Variants in MOCS2 observed in about 807,000 individuals in gnomAD.
The protein encoded by MOCS2 is molybdopterin synthase catalytic subunit.
In MOCS2, 13 loss-of-function variants were observed where a neutral mutation model predicts 21.9. The observed-to-expected ratio is 0.59, with a 90% CI of 0.39 to 0.94. The LOEUF is 0.94. MOCS2 is among the 40% of genes least tolerant of loss of function. The pLI is 0.00. For missense variants in MOCS2, 227 were observed against 218.3 expected (o/e 1.04, Z -0.25); for synonymous variants, 92 against 80.8 (o/e 1.14, Z -0.74).
Position 53,109,652 on chromosome 5 carries a change from G to A in MOCS2, c.-571C>T. 1 of 1,548,470 alleles carries A rather than the reference G, an allele frequency of 6.5e-7. No homozygotes were observed. The highest frequency in any genetic ancestry group is 8.7e-7 in the Non-Finnish European group (1 of 1,146,094). ...GCTGGGTATGTGGAGGGAAAGGGCGGGAGAGACACGTCGAGGAGGGCTCCG... is the reference window on the plus strand; with the variant it reads ...GCTGGGTATGTGGAGGGAAAGGGCGAGAGAGACACGTCGAGGAGGGCTCCG... On this transcript the variant is annotated 5_prime_UTR_variant, in exon 1 of 7. Transcript: ENST00000396954.
chr5:53,109,587 G>A lies in MOCS2; in HGVS notation c.-506C>T. ...GGGGCGCCCCCGAACCCAAGACGCC[G>A]GCCAGGTTGGGGGCTAGTGGGGAGG... On this transcript the variant is annotated 5_prime_UTR_variant, in exon 1 of 7. Transcript: ENST00000396954. The A allele has an allele frequency of 1.4e-6, 2 of 1,441,798 alleles. No homozygotes were observed. Among genetic ancestry groups the A allele is most frequent in the Non-Finnish European group, 1.8e-6 (2 of 1,092,692 alleles). The allele number at this position is 1,441,798 out of a possible 1,614,324, so 89.3% of individuals were successfully genotyped here.
At position 53,096,080 on chromosome 5, in the gene MOCS2, C is replaced by T. The variant is rs978317407; in HGVS notation, c.*2522G>A. 6.6e-6 allele frequency: 1 copy of T among 152,188 alleles called. No homozygotes were observed. The highest frequency in any genetic ancestry group is 6.5e-5 in the Admixed American group (1 of 15,284). 9.4% of individuals were successfully genotyped at this position (152,188 alleles called of 1,614,324 possible). On this transcript the variant is annotated 3_prime_UTR_variant, in exon 7 of 7. Coordinates refer to ENST00000396954, the MANE Select transcript of MOCS2 (RefSeq NM_004531.5). ...TAAGTAAGACTCAAGTTGCTAAGAG[C>T]AACTTTACTATAACTTTTACTATGG...
At chr5:53,105,146 T>G (rs74515163) in intron 3 of MOCS2, among the ~76,000 whole-genome samples, 2,177 of 152,192 alleles carry the variant, frequency 0.014, 21 homozygotes, top group Non-Finnish European at 0.022. Context: ...TTATTAGCTG[T>G]GAAATTTTTC....
chr5:53,103,962 A>G (rs1284063823), intron 3 of MOCS2, among the ~76,000 whole-genome samples: 1 of 152,220 alleles, frequency 6.6e-6, no homozygotes, highest in African/African-American at 2.4e-5. Flanking sequence ...AGAACTGGGC[A>G]GGCTGAGGCT....
At position 53,109,523 on chromosome 5, in the gene MOCS2, G is replaced by T; in HGVS notation, c.-442C>A. 1 of 1,206,902 alleles carries T rather than the reference G, an allele frequency of 8.3e-7. No individual in the cohort carries two copies. The highest frequency in any genetic ancestry group is 1.1e-6 in the Non-Finnish European group (1 of 917,036). 74.8% of individuals were successfully genotyped at this position (1,206,902 alleles called of 1,614,324 possible). ...CCCGACTTCTGCTGGGGCAGTCGCA[G>T]TAAAGCCCGGAGACAGGAAGGGCCC... is the stretch of plus-strand genomic sequence containing the variant. On this transcript the variant is annotated 5_prime_UTR_variant, in exon 1 of 7. The change creates a new upstream start codon in the 5' untranslated region. Transcript: ENST00000396954.
At chr5:53,100,304 C>A (rs529468355) in intron 6 of MOCS2, 107 bp downstream of exon 6, 9 of 1,259,854 alleles carry the variant, frequency 7.1e-6, no homozygotes, top group African/African-American at 1.5e-5. Context: ...ATAAAGAAAA[C>A]AAGATACTAC....
intron 2 of MOCS2, 44 bp from the exon 3 acceptor site, chr5:53,107,265 G>A (rs769525481): frequency 6.4e-7 from 1 of 1,564,866 alleles, no homozygotes; most frequent in Non-Finnish European, 8.7e-7. Context: ...CGCTATGATA[G>A]ACCTCAAATC....
intron 3 of MOCS2, among the ~76,000 whole-genome samples, chr5:53,102,566 A>C (rs976952555): frequency 1.6e-5 from 2 of 123,544 alleles, no homozygotes; most frequent in African/African-American, 6.4e-5. Context: ...TTGGCTGTAC[A>C]CTGTTGAACT....
rs747390142 is a variant in MOCS2 at position 53,098,619 on chromosome 5, A to C, written c.550T>G (p.Trp184Gly). ...STWKGNKECF[W>G]ASNS ...ATAAGTGATTAACTGTTGGATGCCC[A>C]AAAGCACTCTTTGTTTCCTTTCCAA... Residue 184 changes from tryptophan (W) to glycine (G), a missense_variant, in exon 7 of 7, where the codon TGG becomes GGG. Physicochemically the swap from Trp to Gly is radical, Grantham distance 184 (BLOSUM62 -2). Coordinates refer to ENST00000396954, the MANE Select transcript of MOCS2 (RefSeq NM_004531.5). 93 of 1,613,620 alleles carry C rather than the reference A, an allele frequency of 5.8e-5. No homozygotes were observed. The highest frequency in any genetic ancestry group is 7.3e-5 in the Non-Finnish European group (86 of 1,179,728).
At chr5:53,098,858 T>A (rs1740829133) in intron 6 of MOCS2, 191 bp from the exon 7 acceptor site, 1 of 602,358 alleles carries the variant, frequency 1.7e-6, no homozygotes, top group African/African-American at 1.9e-5. Flanking sequence ...TTAAACATTT[T>A]TTTTTCTTTC....
rs536952532 is a variant in MOCS2 at position 53,101,002 on chromosome 5, T to G, written c.377+357A>C. 52 of 342,842 alleles carry G rather than the reference T, an allele frequency of 1.5e-4. No homozygotes were observed. In the South Asian group the frequency reaches 1.9e-3, roughly 12 times the overall value. The allele number at this position is 342,842 out of a possible 1,614,324, so 21.2% of individuals were successfully genotyped here. A position where few individuals can be genotyped will look rare whatever the true frequency, so the allele number is the denominator to read the frequency against. Reference sequence around the variant, plus strand: ...GATAGATACAGTCTCAATTACTGGCTTCTTTTTAAAGCCAAGAACTCTTCT... The same window carrying G: ...GATAGATACAGTCTCAATTACTGGCGTCTTTTTAAAGCCAAGAACTCTTCT... On this transcript the variant is annotated intron_variant, in intron 5 of 6. Coordinates refer to ENST00000396954, the MANE Select transcript of MOCS2 (RefSeq NM_004531.5).
At chr5:53,108,745 G>C (rs1438557818) in intron 1 of MOCS2, 102 bp from the exon 2 acceptor site, 24 of 1,191,172 alleles carry the variant, frequency 2.0e-5, no homozygotes, top group Non-Finnish European at 2.7e-5. Flanking sequence ...TTTAATCAAA[G>C]ACAAATTTTA....
Position 53,095,834 on chromosome 5 carries a change from TTTTA to T in MOCS2, c.*2764_*2767del, listed in dbSNP as rs1167265692. The T allele has an allele frequency of 6.6e-6, 1 of 152,238 alleles. No homozygotes were observed. Among genetic ancestry groups the T allele is most frequent in the East Asian group, 1.9e-4 (1 of 5,200 alleles). The allele number at this position is 152,238 out of a possible 1,614,324, so 9.4% of individuals were successfully genotyped here. ...TACTTACTTTTTAAAAAGTACTTCTTTTTATTTATTCTACATCACTTGTTAAAAA... is the reference window on the plus strand; with the variant it reads ...TACTTACTTTTTAAAAAGTACTTCTTTTTATTCTACATCACTTGTTAAAAA... On this transcript the variant is annotated 3_prime_UTR_variant, in exon 7 of 7. Transcript: ENST00000396954.
chr5:53,106,469 G>A (rs1315134410), intron 3 of MOCS2, among the ~76,000 whole-genome samples: 5 of 152,080 alleles, frequency 3.3e-5, no homozygotes, highest in Non-Finnish European at 5.9e-5. Context: ...AATACCAAAC[G>A]TTCTCACTTA....
intron 2 of MOCS2, chr5:53,107,481 C>T (rs1348795999): frequency 6.7e-6 from 3 of 446,796 alleles, no homozygotes; most frequent in South Asian, 5.0e-5. Context: ...AAAAAATGCA[C>T]AAAAAACCCA....
At chr5:53,106,104 C>T (rs1741041476) in intron 3 of MOCS2, among the ~76,000 whole-genome samples, 1 of 148,566 alleles carries the variant, frequency 6.7e-6, no homozygotes, top group African/African-American at 2.5e-5. Context: ...AATGCTTATA[C>T]ACTGCTGCAG....
chr5:53,099,123 G>A (rs957495048), intron 6 of MOCS2, among the ~76,000 whole-genome samples: 3 of 152,168 alleles, frequency 2.0e-5, no homozygotes, highest in African/African-American at 4.8e-5. Flanking sequence ...GGGGTAAGGA[G>A]AACATATCAC....
Position 53,109,445 on chromosome 5 carries a change from T to C in MOCS2, c.-364A>G. 7.9e-7 allele frequency: 1 copy of C among 1,267,740 alleles called. No individual in the cohort carries two copies. Among genetic ancestry groups the C allele is most frequent in the Non-Finnish European group, 9.9e-7 (1 of 1,007,516 alleles). The allele number at this position is 1,267,740 out of a possible 1,614,324, so 78.5% of individuals were successfully genotyped here. A position where few individuals can be genotyped will look rare whatever the true frequency, so the allele number is the denominator to read the frequency against. ...GTGGTCATAAAAGGTGGAGGCGCCTTCAGAACGAGTCCGTCCTTGCTGCCG... is the reference window on the plus strand; with the variant it reads ...GTGGTCATAAAAGGTGGAGGCGCCTCCAGAACGAGTCCGTCCTTGCTGCCG... On this transcript the variant is annotated 5_prime_UTR_variant, in exon 1 of 7. Transcript: ENST00000396954.
chr5:53,105,852 A>G (rs966557400), intron 3 of MOCS2, among the ~76,000 whole-genome samples: 6 of 152,326 alleles, frequency 3.9e-5, no homozygotes, highest in African/African-American at 1.2e-4. Flanking sequence ...TAACATCAGC[A>G]TCTCTAAGGA....
Sources: allele counts gnomAD v4.1 joint callset (sites outside exome capture counted in the v4.1 genomes callset), GRCh38; gene constraint gnomAD v4.1.1; transcripts MANE v1.5; gene names NCBI Gene and HGNC (gene_info 2026-07-23, HGNC 2026-07-21).